The following TACR1 variants were observed in gnomAD, a reference collection of about 807,000 sequenced individuals.
The protein encoded by TACR1 is tachykinin receptor 1.
TACR1 carries 25 observed loss-of-function variants against 35.8 expected under a neutral mutation model. The observed-to-expected ratio is 0.70, with a 90% CI of 0.51 to 0.98. The LOEUF (loss-of-function observed/expected upper bound fraction) is 0.98. Ranked by LOEUF, TACR1 falls within the 50% of genes least tolerant of loss-of-function variation. TACR1 has a pLI of 0.00. For synonymous variants in TACR1, 195 were observed against 206.7 expected, an observed-to-expected ratio of 0.94 and a Z score of 0.48; for missense variants, 478 against 522.9, an observed-to-expected ratio of 0.91 and a Z score of 0.84.
intron 2 of TACR1, among the ~76,000 whole-genome samples, chr2:75,074,094 A>T (rs1006466444): frequency 2.0e-5 from 3 of 152,200 alleles, no homozygotes; most frequent in Non-Finnish European, 2.9e-5. Context: ...ACTTATTTTT[A>T]AAAAATACTT....
chr2:75,170,570 G>T (rs1050232542), intron 1 of TACR1, among the ~76,000 whole-genome samples: 5 of 152,154 alleles, frequency 3.3e-5, no homozygotes, highest in African/African-American at 1.2e-4. Context: ...GGAGGGCTCA[G>T]AAGACAGGAA....
At chr2:75,084,207 C>T (rs1673147216) in intron 2 of TACR1, among the ~76,000 whole-genome samples, 1 of 152,204 alleles carries the variant, frequency 6.6e-6, no homozygotes, top group Admixed American at 6.5e-5. Flanking sequence ...GTCATTGGTT[C>T]TGTTTATATG....
At chr2:75,103,799 G>A (rs1375422191) in intron 2 of TACR1, among the ~76,000 whole-genome samples, 1 of 152,116 alleles carries the variant, frequency 6.6e-6, no homozygotes, top group Non-Finnish European at 1.5e-5. Context: ...AGATGGTGGA[G>A]TAGGGGATAC....
chr2:75,122,374 C>T (rs1216848734), intron 1 of TACR1, among the ~76,000 whole-genome samples: 1 of 152,196 alleles, frequency 6.6e-6, no homozygotes, highest in East Asian at 1.9e-4. Flanking sequence ...CTTGAGCATC[C>T]TCTTATCACT....
intron 2 of TACR1, among the ~76,000 whole-genome samples, chr2:75,067,134 A>C (rs1336520173): frequency 2.6e-5 from 4 of 152,166 alleles, no homozygotes; most frequent in African/African-American, 9.7e-5. Context: ...TAGCTAAGAC[A>C]GGGACTTTTT....
intron 2 of TACR1, among the ~76,000 whole-genome samples, chr2:75,082,193 AGTTTGCTGAGAGTGATG>A (rs1673101256): frequency 6.6e-6 from 1 of 152,060 alleles, no homozygotes; most frequent in Non-Finnish European, 1.5e-5. Flanking sequence ...TCCTTGTGAT[AGTTTGCTGAGAGTGATG>A]GTTTCCAGCT....
intron 1 of TACR1, among the ~76,000 whole-genome samples, chr2:75,124,118 C>T (rs1463220471): frequency 6.6e-6 from 1 of 152,184 alleles, no homozygotes; most frequent in Non-Finnish European, 1.5e-5. Flanking sequence ...TTCTTTACTT[C>T]AGGTGGTTCC....
intron 1 of TACR1, among the ~76,000 whole-genome samples, chr2:75,154,146 T>A (rs1306535250): frequency 6.6e-6 from 1 of 152,158 alleles, no homozygotes; most frequent in Non-Finnish European, 1.5e-5. Flanking sequence ...TACAGGAAGC[T>A]GAGCCTGCTG....
chr2:75,101,916 G>A (rs1673539828), intron 2 of TACR1, among the ~76,000 whole-genome samples: 1 of 151,944 alleles, frequency 6.6e-6, no homozygotes, highest in Admixed American at 6.6e-5. Flanking sequence ...TGCACTCCAG[G>A]CTGAGTGATG....
intron 1 of TACR1, among the ~76,000 whole-genome samples, chr2:75,150,330 T>C (rs1674642063): frequency 6.6e-6 from 1 of 152,234 alleles, no homozygotes; most frequent in Admixed American, 6.5e-5. Context: ...GGTTTGGCTG[T>C]GTCCCCACGC....
In TACR1 at chr2:75,171,290, G is replaced by T. The variant is rs55688551; in HGVS notation, c.389+27256C>A. On this transcript the variant is annotated intron_variant, in intron 1 of 4. Coordinates refer to ENST00000305249, the MANE Select transcript of TACR1 (RefSeq NM_001058.4). ...CCCCATGCCTTGGCAGCTTACATGT[G>T]GTGTTGGGTCTGTGGGTGCACAAAA... is the stretch of plus-strand genomic sequence containing the variant. Among the ~76,000 whole-genome samples, 15 of 152,284 alleles carry T rather than the reference G, an allele frequency of 9.9e-5. No individual in the cohort carries two copies. The East Asian group carries it at 2.7e-3, about 27-fold the overall frequency.
At chr2:75,091,407 G>A (rs1673309704) in intron 2 of TACR1, among the ~76,000 whole-genome samples, 2 of 152,096 alleles carry the variant, frequency 1.3e-5, no homozygotes, top group South Asian at 2.1e-4. Flanking sequence ...CATGGTTCAT[G>A]ACCAATAATA....
intron 2 of TACR1, among the ~76,000 whole-genome samples, chr2:75,108,881 C>G (rs1383435759): frequency 6.6e-6 from 1 of 152,114 alleles, no homozygotes; most frequent in Non-Finnish European, 1.5e-5. Flanking sequence ...ATTTAAGCTC[C>G]ATGTAGTTAA....
chr2:75,137,444 G>T (rs1044280329), intron 1 of TACR1, among the ~76,000 whole-genome samples: 1 of 151,872 alleles, frequency 6.6e-6, no homozygotes, highest in Non-Finnish European at 1.5e-5. Context: ...TCCAGCTGTC[G>T]GCAGGGCATG....
chr2:75,199,209 G>C lies in TACR1; in HGVS notation c.-275C>G, dbSNP rs1339058289. On this transcript the variant is annotated 5_prime_UTR_variant, in exon 1 of 5. Transcript: ENST00000305249. ...GAAGTCTGGAGACAGCATCTCTCTTGCGGTAAACTGAAAAAGGGAAAGAAA... is the reference window on the plus strand; with the variant it reads ...GAAGTCTGGAGACAGCATCTCTCTTCCGGTAAACTGAAAAAGGGAAAGAAA... The C allele has an allele frequency of 1.5e-5, 6 of 411,200 alleles. No individual in the cohort carries two copies. Among genetic ancestry groups the C allele is most frequent in the Non-Finnish European group, 2.6e-5 (6 of 226,818 alleles). 25.5% of individuals were successfully genotyped at this position (411,200 alleles called of 1,614,324 possible). A position where few individuals can be genotyped will look rare whatever the true frequency, so the allele number is the denominator to read the frequency against.
At chr2:75,150,461 C>T (rs981138848) in intron 1 of TACR1, among the ~76,000 whole-genome samples, 5 of 152,118 alleles carry the variant, frequency 3.3e-5, no homozygotes, top group East Asian at 1.9e-4. Flanking sequence ...GAATGAGTCT[C>T]ATGAGATCTG....
At chr2:75,100,816 A>C (rs539108225) in intron 2 of TACR1, among the ~76,000 whole-genome samples, 28 of 152,370 alleles carry the variant, frequency 1.8e-4, no homozygotes, top group African/African-American at 5.8e-4. Context: ...CTTGGTAACT[A>C]TAAGGAAATT....
chr2:75,069,186 G>A, intron 2 of TACR1, among the ~76,000 whole-genome samples: 1 of 152,130 alleles, frequency 6.6e-6, no homozygotes, highest in Admixed American at 6.5e-5. Context: ...ATGATTGTGA[G>A]GACTTCCCAG....
chr2:75,141,932 C>T (rs571670185), intron 1 of TACR1, among the ~76,000 whole-genome samples: 1 of 152,306 alleles, frequency 6.6e-6, no homozygotes, highest in South Asian at 2.1e-4. Flanking sequence ...CTCAACTGTT[C>T]TACAGTTTTC....
Sources: gnomAD v4.1 joint callset for allele counts (sites outside exome capture counted in the v4.1 genomes callset) on GRCh38, gnomAD v4.1.1 for gene constraint, MANE v1.5 for transcripts, NCBI Gene and HGNC (gene_info 2026-07-23, HGNC 2026-07-21) for gene names.